Variants in MBIP observed in about 807,000 individuals in gnomAD.
MBIP encodes the protein MAP3K12-binding inhibitory protein 1.
Under a neutral mutation model 45.7 loss-of-function variants are expected in MBIP, and 32 were observed. That is an observed-to-expected ratio of 0.70 (90% CI 0.53 to 0.94). MBIP has a LOEUF of 0.94. Among genes scored for constraint, MBIP ranks in the 40% least tolerant of loss-of-function variants. The pLI is 0.00. For missense variants in MBIP, 381 were observed against 405.5 expected (o/e 0.94, Z 0.52); for synonymous variants, 145 against 141.0 (o/e 1.03, Z -0.20).
chr14:36,301,689 T>A lies in MBIP; in HGVS notation c.889-866A>T, dbSNP rs151067891. 1.5e-4 allele frequency among the ~76,000 whole-genome samples: 23 copies of A among 152,382 alleles called. No homozygotes were observed. In the East Asian group the frequency reaches 3.7e-3, roughly 24 times the overall value. ...ACTTCCTATTTTATAATTTACATAATGTTTAAGCCAGTTTTGAGTTCAAAT... is the reference window on the plus strand; with the variant it reads ...ACTTCCTATTTTATAATTTACATAAAGTTTAAGCCAGTTTTGAGTTCAAAT... On this transcript the variant is annotated intron_variant, in intron 7 of 8. Coordinates refer to ENST00000416007, the MANE Select transcript of MBIP (RefSeq NM_016586.3).
intron 4 of MBIP, chr14:36,314,254 G>T: frequency 2.8e-6 from 1 of 358,434 alleles, no homozygotes. Flanking sequence ...TTTCCTAAAG[G>T]AACTTTAAAA....
chr14:36,307,504 T>C (rs1472691738), intron 7 of MBIP, among the ~76,000 whole-genome samples: 3 of 152,030 alleles, frequency 2.0e-5, no homozygotes, highest in African/African-American at 7.2e-5. Context: ...TTCTGAAAAA[T>C]GTTGATGTGC....
intron 1 of MBIP, 142 bp downstream of exon 1, chr14:36,320,318 C>T (rs1880816304): frequency 4.3e-6 from 5 of 1,175,542 alleles, no homozygotes; most frequent in South Asian, 1.4e-5. Context: ...AGGCTGGGCC[C>T]GGGCTCCTTC....
chr14:36,303,725 G>C (rs1879710217), intron 7 of MBIP, among the ~76,000 whole-genome samples: 1 of 152,076 alleles, frequency 6.6e-6, no homozygotes, highest in Admixed American at 6.5e-5. Context: ...CAGGGAACCA[G>C]TGCTCTAAGG....
At position 36,310,249 on chromosome 14, in the gene MBIP, A is replaced by G. The variant is rs570959732; in HGVS notation, c.790+1324T>C. On this transcript the variant is annotated intron_variant, in intron 6 of 8. Coordinates refer to ENST00000416007, the MANE Select transcript of MBIP (RefSeq NM_016586.3). ...CTTACTCATTCTGTTTTCTTCTTCT[A>G]CCTTCATCTGGCTAGCATAGCTTCA... 3.4e-4 allele frequency among the ~76,000 whole-genome samples: 51 copies of G among 152,218 alleles called. 1 individual carries two copies. In the South Asian group the frequency reaches 7.3e-3, roughly 22 times the overall value.
intron 7 of MBIP, among the ~76,000 whole-genome samples, chr14:36,302,959 G>C (rs927928118): frequency 2.0e-5 from 3 of 152,140 alleles, no homozygotes; most frequent in African/African-American, 7.2e-5. Context: ...GTGATGCTGG[G>C]CAGTGGCAGT....
At chr14:36,314,441 T>A (rs1880418346) in intron 4 of MBIP, 71 bp downstream of exon 4, 1 of 853,360 alleles carries the variant, frequency 1.2e-6, no homozygotes, top group Non-Finnish European at 1.8e-6. Context: ...ATTTAAAAAA[T>A]AAATAAAAGA....
intron 6 of MBIP, among the ~76,000 whole-genome samples, chr14:36,309,882 C>T (rs1359166725): frequency 6.6e-6 from 1 of 152,154 alleles, no homozygotes; most frequent in Non-Finnish European, 1.5e-5. Context: ...GCTCTGTTCC[C>T]CACTCAGCCT....
At position 36,316,699 on chromosome 14, in the gene MBIP, A is replaced by C. The variant is rs201615474; in HGVS notation, c.243T>G (p.Tyr81Ter). 2.5e-6 allele frequency: 4 copies of C among 1,600,468 alleles called. No homozygotes were observed. In the East Asian group the frequency reaches 8.9e-5, roughly 36 times the overall value. The stretch of plus-strand genomic sequence containing the variant: ...TTTCTAACAAGAAATTTACCTGTAA[A>C]TATAAAATGTGTTGTTCAAGTGCAC... ...LFSALEQHIL[Y>*]LQPFLAKLQS... is the part of the protein sequence containing the mutation. Residue 81 changes from tyrosine to a stop codon, truncating the protein, a stop_gained, in exon 2 of 9, where the codon TAT (tyrosine) becomes TAG (stop). Coordinates refer to ENST00000416007, the MANE Select transcript of MBIP (RefSeq NM_016586.3). LOFTEE classifies it high-confidence loss of function.
At chr14:36,306,862 A>G (rs940856838) in intron 7 of MBIP, among the ~76,000 whole-genome samples, 24 of 152,364 alleles carry the variant, frequency 1.6e-4, no homozygotes, top group Admixed American at 1.6e-3. Flanking sequence ...GAATAATCCT[A>G]AAAGTGAAAA....
rs1438375641 is a variant in MBIP at position 36,308,216 on chromosome 14, A to G, written c.791-27T>C. 2.8e-6 allele frequency: 3 copies of G among 1,075,356 alleles called. No individual in the cohort carries two copies. In the African/African-American group the frequency reaches 4.8e-5, roughly 17 times the overall value. 66.6% of individuals were successfully genotyped at this position (1,075,356 alleles called of 1,614,324 possible). Reference sequence around the variant, plus strand: ...TAAATACATTAAAAAAAAATCTGAGATACTATTGAATAATTCTTTCTTTTC... The same window carrying G: ...TAAATACATTAAAAAAAAATCTGAGGTACTATTGAATAATTCTTTCTTTTC... On this transcript the variant is annotated intron_variant, in intron 6 of 8. Coordinates refer to ENST00000416007, the MANE Select transcript of MBIP (RefSeq NM_016586.3).
intron 7 of MBIP, 42 bp from the exon 8 acceptor site, chr14:36,300,865 C>T: frequency 8.0e-7 from 1 of 1,250,404 alleles, no homozygotes; most frequent in Non-Finnish European, 1.1e-6. Flanking sequence ...AAAATCTAAG[C>T]ATCATTTTTT....
chr14:36,299,006 T>C lies in MBIP; in HGVS notation c.*77A>G, dbSNP rs1466630528. 5.9e-6 allele frequency: 6 copies of C among 1,020,318 alleles called. No individual in the cohort carries two copies. In the Admixed American group the frequency reaches 7.2e-5, roughly 12 times the overall value. The allele number at this position is 1,020,318 out of a possible 1,614,324, so 63.2% of individuals were successfully genotyped here. On this transcript the variant is annotated 3_prime_UTR_variant, in exon 9 of 9. Transcript: ENST00000416007. ...AGAGAAGTCTACATTGATAAATATA[T>C]ATCCGTTGAATTAATAACAGTGTAA...
At chr14:36,310,180 G>A (rs1476837736) in intron 6 of MBIP, among the ~76,000 whole-genome samples, 1 of 152,132 alleles carries the variant, frequency 6.6e-6, no homozygotes, top group Non-Finnish European at 1.5e-5. Flanking sequence ...ACTTCTGAGG[G>A]AAGAGATTAA....
At chr14:36,306,605 G>C (rs1311892139) in intron 7 of MBIP, among the ~76,000 whole-genome samples, 1 of 152,110 alleles carries the variant, frequency 6.6e-6, no homozygotes, top group Non-Finnish European at 1.5e-5. Flanking sequence ...GAATCAGAGA[G>C]AAGAGAGGAA....
chr14:36,313,316 G>T (rs980181206), intron 4 of MBIP: 2 of 152,084 alleles, frequency 1.3e-5, no homozygotes, highest in African/African-American at 4.8e-5. Flanking sequence ...AGCATGGTGT[G>T]AGTGTATGAC....
Position 36,320,582 on chromosome 14 carries a change from C to T in MBIP, c.7G>A (p.Ala3Thr). 1 of 1,608,910 alleles carries T rather than the reference C, an allele frequency of 6.2e-7. No homozygotes were observed. Among genetic ancestry groups the T allele is most frequent in the Non-Finnish European group, 8.5e-7 (1 of 1,177,266 alleles). The change falls in exon 1 of 9, where the codon GCT (alanine) becomes ACT (threonine). Residue 3 changes from alanine to threonine, a missense_variant. Physicochemically the swap from Ala to Thr is moderately conservative, Grantham distance 58. Transcript: ENST00000416007. ...CTCGGGCGATTAAGCTCCGTGGCAG[C>T]AGCCATGATATCTTCTCAGGCCGCC... MA[A>T]ATELNRPSSG...
chr14:36,310,697 TA>T (rs1880146813), intron 6 of MBIP, among the ~76,000 whole-genome samples: 1 of 152,174 alleles, frequency 6.6e-6, no homozygotes, highest in South Asian at 2.1e-4. Context: ...CCAGGTGCTA[TA>T]TAAGATTATA....
intron 6 of MBIP, among the ~76,000 whole-genome samples, chr14:36,309,228 A>G (rs1880058891): frequency 6.6e-6 from 1 of 152,168 alleles, no homozygotes; most frequent in African/African-American, 2.4e-5. Context: ...AAATACCAGT[A>G]CTACCACTCC....
Sources: gnomAD v4.1 joint callset for allele counts (sites outside exome capture counted in the v4.1 genomes callset) on GRCh38, gnomAD v4.1.1 for gene constraint, MANE v1.5 for transcripts, NCBI Gene and HGNC (gene_info 2026-07-23, HGNC 2026-07-21) for gene names.